Variants in IRAK2 observed in about 807,000 individuals in gnomAD.
IRAK2 encodes interleukin 1 receptor associated kinase 2.
Under a neutral mutation model 72.0 loss-of-function variants are expected in IRAK2, and 57 were observed. The observed-to-expected ratio is 0.79, with a 90% confidence interval of 0.64 to 0.99. IRAK2 has a LOEUF of 0.99. Among genes scored for constraint, IRAK2 ranks in the 50% least tolerant of loss-of-function variants. IRAK2 has a pLI of 0.00. For missense variants in IRAK2, 790 were observed against 794.4 expected (o/e 0.99, Z 0.07); for synonymous variants, 293 against 312.7 (o/e 0.94, Z 0.67).
At chr3:10,188,379 G>C (rs1697113870) in intron 2 of IRAK2, among the ~76,000 whole-genome samples, 2 of 152,192 alleles carry the variant, frequency 1.3e-5, no homozygotes, top group Non-Finnish European at 2.9e-5. Flanking sequence ...CTGTCACCTG[G>C]GCTGGAGTGC....
chr3:10,216,287 G>T (rs981670312), intron 6 of IRAK2, among the ~76,000 whole-genome samples: 5 of 152,290 alleles, frequency 3.3e-5, no homozygotes, highest in African/African-American at 9.6e-5. Flanking sequence ...AAGCAGGTTT[G>T]GGACTTGTTG....
chr3:10,189,897 G>T (rs929647567), intron 2 of IRAK2, among the ~76,000 whole-genome samples: 3 of 152,088 alleles, frequency 2.0e-5, no homozygotes, highest in African/African-American at 7.2e-5. Context: ...CCTGCCCACT[G>T]CAGACTTGCC....
intron 1 of IRAK2, among the ~76,000 whole-genome samples, chr3:10,165,721 ATTTTTTTTTTTTTTT>A (rs34176794): frequency 2.6e-5 from 2 of 76,786 alleles, no homozygotes; most frequent in Non-Finnish European, 4.8e-5. Flanking sequence ...GTCTTGAACT[ATTTTTTTTTTTTTTT>A]TTTTTTTTTT....
chr3:10,203,421 C>A (rs566617953), intron 3 of IRAK2, among the ~76,000 whole-genome samples: 1 of 152,208 alleles, frequency 6.6e-6, no homozygotes, highest in Admixed American at 6.5e-5. Context: ...AATAAGAAAT[C>A]ATTCATTTCA....
intron 11 of IRAK2, among the ~76,000 whole-genome samples, chr3:10,236,794 T>TGA (rs1184298715): frequency 6.6e-6 from 1 of 152,260 alleles, no homozygotes; most frequent in Non-Finnish European, 1.5e-5. Flanking sequence ...AAGGTGCAGG[T>TGA]GAAACTGCTA....
At chr3:10,177,797 G>A in intron 1 of IRAK2, 41 bp from the exon 2 acceptor site, 8 of 1,592,998 alleles carry the variant, frequency 5.0e-6, no homozygotes, top group Non-Finnish European at 6.8e-6. Flanking sequence ...TAGAGGGACT[G>A]CCTCTCTGAC....
chr3:10,167,124 T>C (rs1696706528), intron 1 of IRAK2, among the ~76,000 whole-genome samples: 3 of 152,208 alleles, frequency 2.0e-5, no homozygotes, highest in South Asian at 4.1e-4. Context: ...TACTGAGATA[T>C]TCACATACCA....
chr3:10,219,638 G>C, intron 7 of IRAK2, 42 bp from the exon 8 acceptor site: 1 of 1,484,158 alleles, frequency 6.7e-7, no homozygotes, highest in Non-Finnish European at 9.4e-7. Context: ...CTTTAAAAAG[G>C]TACATTGTGA....
At chr3:10,179,227 T>C (rs1696923936) in intron 2 of IRAK2, among the ~76,000 whole-genome samples, 1 of 152,144 alleles carries the variant, frequency 6.6e-6, no homozygotes, top group African/African-American at 2.4e-5. Flanking sequence ...CTATGATTTG[T>C]TTGCCCCTAT....
intron 4 of IRAK2, among the ~76,000 whole-genome samples, chr3:10,210,006 G>A (rs1055363239): frequency 1.3e-5 from 2 of 152,050 alleles, no homozygotes; most frequent in Non-Finnish European, 2.9e-5. Flanking sequence ...TGCAACCTCC[G>A]CTTCCCGGGT....
chr3:10,177,623 T>C (rs1475416458), intron 1 of IRAK2, among the ~76,000 whole-genome samples: 1 of 152,166 alleles, frequency 6.6e-6, no homozygotes, highest in Non-Finnish European at 1.5e-5. Context: ...GTGGTCTTTC[T>C]CCTAAGTCAT....
intron 1 of IRAK2, among the ~76,000 whole-genome samples, chr3:10,172,858 A>AG (rs1296749559): frequency 1.3e-5 from 2 of 149,190 alleles, no homozygotes; most frequent in East Asian, 3.9e-4. Context: ...AAAAAAAAAA[A>AG]AAAGTAGAGA....
chr3:10,220,506 G>A (rs182222220), intron 8 of IRAK2, among the ~76,000 whole-genome samples: 4 of 151,956 alleles, frequency 2.6e-5, no homozygotes, highest in Non-Finnish European at 5.9e-5. Flanking sequence ...GCAGTGGTGC[G>A]ATCTCAGCTC....
chr3:10,185,534 G>C (rs1370533920), intron 2 of IRAK2, among the ~76,000 whole-genome samples: 5 of 138,230 alleles, frequency 3.6e-5, no homozygotes, highest in African/African-American at 1.2e-4. Context: ...CTCCAGCCTG[G>C]GCAACAAGAG....
chr3:10,229,026 C>G (rs777627980), intron 10 of IRAK2, among the ~76,000 whole-genome samples: 2 of 151,806 alleles, frequency 1.3e-5, no homozygotes, highest in Non-Finnish European at 1.5e-5. Context: ...CTCCACCCCC[C>G]GGGTTCAAGA....
At position 10,172,206 on chromosome 3, in the gene IRAK2, T is replaced by TA. The variant is rs879387104; in HGVS notation, c.95-5621dup. On this transcript the variant is annotated intron_variant, in intron 1 of 12. Coordinates refer to ENST00000256458, the MANE Select transcript of IRAK2 (RefSeq NM_001570.4). ...TAACACAGTGAAACCCCGTTTCTAC[T>TA]AAAAAAAAAAATTAGCCGGGCATGG... is the stretch of plus-strand genomic sequence containing the variant. Among the ~76,000 whole-genome samples the TA allele has an allele frequency of 1.9e-3, 276 of 142,090 alleles. 5 individuals are homozygous for TA. The highest frequency in any genetic ancestry group is 5.0e-3 in the South Asian group (22 of 4,410). The allele number at this position is 142,090 out of a possible 152,430, so 93.2% of individuals were successfully genotyped here.
At chr3:10,214,294 T>C (rs459483) in intron 6 of IRAK2, among the ~76,000 whole-genome samples, 61,845 of 151,680 alleles carry the variant, frequency 0.41, 12,974 homozygotes, top group Middle Eastern at 0.49. Flanking sequence ...TTGGAATGAT[T>C]GTAGATCACT....
At chr3:10,197,787 G>T (rs1697293586) in intron 2 of IRAK2, among the ~76,000 whole-genome samples, 1 of 151,170 alleles carries the variant, frequency 6.6e-6, no homozygotes, top group South Asian at 2.1e-4. Flanking sequence ...GGGAGGCGGA[G>T]CTTGTAGTGA....
Position 10,238,784 on chromosome 3 carries a change from C to A in IRAK2, c.1510C>A (p.Arg504=). 6.2e-7 allele frequency: 1 copy of A among 1,614,048 alleles called. No homozygotes were observed. Among genetic ancestry groups the A allele is most frequent in the African/African-American group, 1.3e-5 (1 of 75,006 alleles). Reference sequence around the variant, plus strand: ...TGTGGCTGCTGTGGAAGAGCGGCTCCGAGGTCGGGAGACGTTGCTCCCTTG... The same window carrying A: ...TGTGGCTGCTGTGGAAGAGCGGCTCAGAGGTCGGGAGACGTTGCTCCCTTG... ...GSVAAVEERL[R]GRETLLPWSG... The change falls in exon 12 of 13, where the codon CGA becomes AGA. Residue 504 remains arginine, a synonymous_variant. Transcript: ENST00000256458.
Sources: allele counts gnomAD v4.1 joint callset (sites outside exome capture counted in the v4.1 genomes callset), GRCh38; gene constraint gnomAD v4.1.1; transcripts MANE v1.5; gene names NCBI Gene and HGNC (gene_info 2026-07-23, HGNC 2026-07-21).